SOD2: variants seen among roughly 807,000 people sequenced by gnomAD.
SOD2 encodes the protein superoxide dismutase [Mn], mitochondrial.
Under a neutral mutation model 27.0 loss-of-function variants are expected in SOD2, and 11 were observed. The observed-to-expected ratio is 0.41, with a 90% CI of 0.26 to 0.67. The LOEUF (loss-of-function observed/expected upper bound fraction) is 0.67. Among genes scored for constraint, SOD2 ranks in the 30% least tolerant of loss-of-function variants. The pLI, the probability that SOD2 is intolerant of heterozygous loss-of-function variation, is 0.34. For synonymous variants in SOD2, 105 were observed against 103.0 expected, an observed-to-expected ratio of 1.02 and a Z score of -0.12; for missense variants, 250 against 274.5, an observed-to-expected ratio of 0.91 and a Z score of 0.63.
At chr6:159,755,749 GTTTTTTTTTTCTTTTCTTTTTTTTTT>G in intron 1 of SOD2, 1 of 317,904 alleles carries the variant, frequency 3.1e-6, no homozygotes. Flanking sequence ...TTTTTTCTTT[GTTTTTTTTTTCTTTTCTTTTTTTTTT>G]TTTTTTTTTT....
At chr6:159,687,076 G>A (rs1392586027) in intron 3 of SOD2, among the ~76,000 whole-genome samples, 1 of 152,060 alleles carries the variant, frequency 6.6e-6, no homozygotes, top group Non-Finnish European at 1.5e-5. Flanking sequence ...AATAGCAAAT[G>A]ACACTATAAT....
At chr6:159,743,938 A>G in intron 1 of SOD2, 2 of 964,594 alleles carry the variant, frequency 2.1e-6, no homozygotes, top group Non-Finnish European at 2.7e-6. Context: ...AGAATACTAG[A>G]TGAAAAATTT....
upstream of SOD2, among the ~76,000 whole-genome samples, chr6:159,746,990 G>A (rs1779614481): frequency 6.6e-6 from 1 of 152,124 alleles, no homozygotes; most frequent in African/African-American, 2.4e-5. Flanking sequence ...TTCTCGCTCT[G>A]TTATCTTAGC....
At chr6:159,683,296 C>T (rs1025232810) in intron 4 of SOD2, among the ~76,000 whole-genome samples, 14 of 152,078 alleles carry the variant, frequency 9.2e-5, no homozygotes, top group Non-Finnish European at 1.8e-4. Flanking sequence ...CCAGCCTGGC[C>T]AACATGGTGA....
chr6:159,727,191 T>C, exon 1 of SOD2: 1 of 1,223,458 alleles, frequency 8.2e-7, no homozygotes, highest in Non-Finnish European at 1.0e-6. Context: ...GGACGGGGAG[T>C]GTTACCGGGG....
intron 1 of SOD2, among the ~76,000 whole-genome samples, chr6:159,699,468 C>T (rs1323215708): frequency 6.6e-6 from 1 of 152,052 alleles, no homozygotes; most frequent in Non-Finnish European, 1.5e-5. Flanking sequence ...TCCGGCAGAG[C>T]CCTCCATAAG....
At chr6:159,724,948 G>C (rs1331981045) in intron 1 of SOD2, among the ~76,000 whole-genome samples, 1 of 149,816 alleles carries the variant, frequency 6.7e-6, no homozygotes, top group Admixed American at 6.7e-5. Flanking sequence ...GAGAGGGAGA[G>C]AAAGAAAAAA....
In SOD2 at chr6:159,758,236, T is replaced by A. The variant is rs181425398; in HGVS notation, c.-336+2801A>T. 3.8e-3 allele frequency among the ~76,000 whole-genome samples: 575 copies of A among 149,598 alleles called. 2 individuals are homozygous for A. The highest frequency in any genetic ancestry group is 0.014 in the Middle Eastern group (4 of 292). Reference sequence around the variant, plus strand: ...TCCCCTGTAAGAGCACTCACTGCTGTCTTAGCTTGGGCTGCTGTGAAAAAA... The same window carrying A: ...TCCCCTGTAAGAGCACTCACTGCTGACTTAGCTTGGGCTGCTGTGAAAAAA... On this transcript the variant is annotated intron_variant, in intron 1 of 7. Transcript: ENST00000546087.
intron 1 of SOD2, among the ~76,000 whole-genome samples, chr6:159,703,403 C>T (rs1447524394): frequency 1.1e-4 from 8 of 71,902 alleles, no homozygotes; most frequent in African/African-American, 3.1e-4. Context: ...GAGGCTTTAC[C>T]TCTTTTTTTT....
chr6:159,731,467 CA>C (rs1262700405), upstream of SOD2, among the ~76,000 whole-genome samples: 15 of 151,764 alleles, frequency 9.9e-5, no homozygotes, highest in East Asian at 2.9e-3. Flanking sequence ...GACTCTGTCT[CA>C]AAAAAAGAGA....
At chr6:159,741,231 G>A (rs1779237607) in intron 1 of SOD2, among the ~76,000 whole-genome samples, 1 of 152,140 alleles carries the variant, frequency 6.6e-6, no homozygotes, top group Non-Finnish European at 1.5e-5. Flanking sequence ...TCAGGGTAGA[G>A]AAGTATAATG....
rs5746094 is a variant in SOD2, at chr6:159,693,136, T to C, written c.23+9A>G. ...CTTGGGGCCGTGACCGGGTCCCCTT[T>C]CTTCTCACCCGCACACTGCCCGGCT... On this transcript the variant is annotated intron_variant, in intron 1 of 4. Transcript: ENST00000538183. 0.24 allele frequency: 369,093 copies of C among 1,529,256 alleles called. 45,599 individuals carry two copies. Among genetic ancestry groups the C allele is most frequent in the East Asian group, 0.38 (14,523 of 38,332 alleles). The allele number at this position is 1,529,256 out of a possible 1,614,324, so 94.7% of individuals were successfully genotyped here. A position where few individuals can be genotyped will look rare whatever the true frequency, so the allele number is the denominator to read the frequency against.
chr6:159,736,622 C>T (rs1562455524), intron 1 of SOD2: 2 of 197,094 alleles, frequency 1.0e-5, no homozygotes, highest in East Asian at 2.3e-4. Flanking sequence ...TACATATATA[C>T]AAATAATGTC....
At chr6:159,722,478 C>A (rs1778060733) in intron 1 of SOD2, among the ~76,000 whole-genome samples, 1 of 152,184 alleles carries the variant, frequency 6.6e-6, no homozygotes, top group Admixed American at 6.5e-5. Context: ...GTAATAGACA[C>A]TACCAATGAT....
At chr6:159,727,430 C>T (rs1429721782), upstream of SOD2, 3 of 1,024,158 alleles carry the variant, frequency 2.9e-6, no homozygotes, top group Non-Finnish European at 3.5e-6. Context: ...GCGGCGCGTT[C>T]GGACCGGCTG....
At chr6:159,732,005 A>G (rs760460507), upstream of SOD2, among the ~76,000 whole-genome samples, 7 of 152,210 alleles carry the variant, frequency 4.6e-5, no homozygotes, top group African/African-American at 7.2e-5. Context: ...TAGGGAAAGT[A>G]TCAGGTTGTA....
chr6:159,734,210 T>TACCACATTGCCCGGGCTCGGTTCAAA (rs1554263415), intron 1 of SOD2, among the ~76,000 whole-genome samples: 138 of 152,066 alleles, frequency 9.1e-4, no homozygotes, highest in African/African-American at 3.0e-3. Flanking sequence ...GACAGGGTCT[T>TACCACATTGCCCGGGCTCGGTTCAAA]ACCACATTGC....
At chr6:159,726,720 C>T (rs1404028662) in intron 1 of SOD2, 24 of 1,255,494 alleles carry the variant, frequency 1.9e-5, no homozygotes, top group East Asian at 5.7e-5. Context: ...AGCGCAACCT[C>T]CGACGCCAGA....
intron 3 of SOD2, among the ~76,000 whole-genome samples, chr6:159,687,228 A>G (rs952675203): frequency 5.9e-5 from 9 of 152,128 alleles, no homozygotes; most frequent in African/African-American, 1.7e-4. Flanking sequence ...GCTCACATCC[A>G]TACCACAGCA....
Sources: allele counts gnomAD v4.1 joint callset (sites outside exome capture counted in the v4.1 genomes callset), GRCh38; gene constraint gnomAD v4.1.1; transcripts MANE v1.5; gene names NCBI Gene and HGNC (gene_info 2026-07-23, HGNC 2026-07-21).